The following SYNPO2 variants were observed in gnomAD, a reference collection of about 807,000 sequenced individuals.
SYNPO2 encodes the protein synaptopodin 2, also known as synaptopodin-2.
Under a neutral mutation model 85.0 loss-of-function variants are expected in SYNPO2, and 56 were observed. The ratio of observed to expected loss-of-function variants is 0.66; its 90% CI spans 0.53 to 0.82. The LOEUF (loss-of-function observed/expected upper bound fraction) is 0.82. Among genes scored for constraint, SYNPO2 ranks in the 40% least tolerant of loss-of-function variants. The pLI, the probability that SYNPO2 is intolerant of heterozygous loss-of-function variation, is 0.00. For missense variants in SYNPO2, 1,575 were observed against 1,534.2 expected (o/e 1.03, Z -0.44); for synonymous variants, 602 against 591.1 (o/e 1.02, Z -0.27).
intron 1 of SYNPO2, among the ~76,000 whole-genome samples, chr4:118,986,263 T>C (rs1736215765): frequency 6.6e-6 from 1 of 152,192 alleles, no homozygotes; most frequent in African/African-American, 2.4e-5. Flanking sequence ...ATACTTACAT[T>C]TTCATTTATT....
chr4:118,964,204 C>G (rs541804436), intron 1 of SYNPO2, among the ~76,000 whole-genome samples: 1 of 152,042 alleles, frequency 6.6e-6, no homozygotes, highest in Admixed American at 6.5e-5. Context: ...AATCCCAGCA[C>G]TTTGGGAGGT....
chr4:118,910,889 A>G (rs183345467), intron 1 of SYNPO2, among the ~76,000 whole-genome samples: 2 of 152,234 alleles, frequency 1.3e-5, no homozygotes, highest in East Asian at 3.9e-4. Flanking sequence ...CTCCTCTCCC[A>G]ACAAAACATG....
intron 1 of SYNPO2, among the ~76,000 whole-genome samples, chr4:118,988,945 A>G (rs1220548556): frequency 6.6e-6 from 1 of 152,194 alleles, no homozygotes; most frequent in Non-Finnish European, 1.5e-5. Context: ...AGAACACTCA[A>G]CTGGTACTTA....
chr4:118,933,969 A>T (rs113041145), intron 1 of SYNPO2, among the ~76,000 whole-genome samples: 1 of 151,618 alleles, frequency 6.6e-6, no homozygotes, highest in Non-Finnish European at 1.5e-5. Flanking sequence ...GCTAGTTAAC[A>T]TGGTTTATTC....
chr4:118,888,553 T>G (rs1430247633), upstream of SYNPO2, among the ~76,000 whole-genome samples: 1 of 152,244 alleles, frequency 6.6e-6, no homozygotes, highest in Admixed American at 6.5e-5. Flanking sequence ...TAGGACGTCA[T>G]TCATGGCGTG....
intron 1 of SYNPO2, among the ~76,000 whole-genome samples, chr4:118,957,012 T>C (rs1734902536): frequency 6.6e-6 from 1 of 150,966 alleles, no homozygotes; most frequent in Non-Finnish European, 1.5e-5. Flanking sequence ...ACCAGTACAC[T>C]CCAGCCTGGG....
chr4:118,892,013 C>CA (rs1451492532), intron 1 of SYNPO2, among the ~76,000 whole-genome samples: 2 of 151,420 alleles, frequency 1.3e-5, no homozygotes, highest in African/African-American at 2.4e-5. Flanking sequence ...AGAAATAGTG[C>CA]AAAAAAACAG....
chr4:118,855,555 T>C (rs1731491216), intron 1 of SYNPO2, among the ~76,000 whole-genome samples: 1 of 152,178 alleles, frequency 6.6e-6, no homozygotes, highest in South Asian at 2.1e-4. Context: ...TGAAAGAGAA[T>C]AATCAATTGA....
chr4:118,858,926 C>T (rs1731558674), intron 1 of SYNPO2, among the ~76,000 whole-genome samples: 2 of 152,144 alleles, frequency 1.3e-5, no homozygotes, highest in South Asian at 4.1e-4. Flanking sequence ...TCCATCCTGC[C>T]CCCACATCAT....
intron 4 of SYNPO2, among the ~76,000 whole-genome samples, chr4:119,056,843 A>C (rs10033427): frequency 0.022 from 3,397 of 152,304 alleles, 117 homozygotes; most frequent in African/African-American, 0.078. Flanking sequence ...TACATCTAAG[A>C]AGCTCTGGTT....
chr4:118,993,756 A>C (rs6814745), intron 1 of SYNPO2, among the ~76,000 whole-genome samples: 52,497 of 152,068 alleles, frequency 0.35, 9,147 homozygotes, highest in Admixed American at 0.4. Context: ...TTTTTCCCCC[A>C]AATTACTTTT....
chr4:118,882,002 A>C (rs1050162204), intron 1 of SYNPO2, among the ~76,000 whole-genome samples: 1 of 152,224 alleles, frequency 6.6e-6, no homozygotes. Context: ...TTGATGATCT[A>C]TCTGGCACTT....
intron 1 of SYNPO2, among the ~76,000 whole-genome samples, chr4:118,879,102 G>A (rs1732003314): frequency 6.6e-6 from 1 of 152,222 alleles, no homozygotes; most frequent in African/African-American, 2.4e-5. Flanking sequence ...CACTCCTGAA[G>A]TGAACAAGAC....
At chr4:118,905,443 C>CGTGTGTGTGTGTGTGCGTGT (rs5861391) in intron 1 of SYNPO2, among the ~76,000 whole-genome samples, 1 of 150,154 alleles carries the variant, frequency 6.7e-6, no homozygotes, top group Admixed American at 6.7e-5. Flanking sequence ...TGTGTGTGTG[C>CGTGTGTGTGTGTGTGCGTGT]GTGTGTGTGT....
intron 1 of SYNPO2, among the ~76,000 whole-genome samples, chr4:119,016,833 C>T (rs572369619): frequency 2.0e-5 from 3 of 152,264 alleles, no homozygotes; most frequent in East Asian, 3.9e-4. Flanking sequence ...ATTGCAGCAT[C>T]GTTTCTGCCT....
At chr4:118,887,162 A>AGT (rs1288161452), upstream of SYNPO2, among the ~76,000 whole-genome samples, 1 of 99,792 alleles carries the variant, frequency 1.0e-5, no homozygotes, top group Non-Finnish European at 2.1e-5. Flanking sequence ...TCCCCATCTG[A>AGT]GTGAGTGTGT....
intron 1 of SYNPO2, among the ~76,000 whole-genome samples, chr4:119,022,526 T>G (rs911952082): frequency 8.3e-5 from 12 of 144,764 alleles, no homozygotes; most frequent in African/African-American, 2.5e-5. Flanking sequence ...TTTTTTTTTT[T>G]TTTTTTTTTT....
At chr4:118,991,686 A>G (rs996084526) in intron 1 of SYNPO2, among the ~76,000 whole-genome samples, 7 of 152,134 alleles carry the variant, frequency 4.6e-5, no homozygotes, top group African/African-American at 1.7e-4. Flanking sequence ...AGATGCCTGA[A>G]TGGTGCTTGG....
At chr4:118,878,009 A>G (rs1731959575) in intron 1 of SYNPO2, among the ~76,000 whole-genome samples, 1 of 152,170 alleles carries the variant, frequency 6.6e-6, no homozygotes, top group South Asian at 2.1e-4. Flanking sequence ...CATATAGAAA[A>G]AGGAATACTA....
Sources: allele counts gnomAD v4.1 joint callset (sites outside exome capture counted in the v4.1 genomes callset), GRCh38; gene constraint gnomAD v4.1.1; transcripts MANE v1.5; gene names NCBI Gene and HGNC (gene_info 2026-07-23, HGNC 2026-07-21).